DST: variants seen among roughly 807,000 people sequenced by gnomAD.
DST encodes the protein dystonin.
DST carries 253 observed loss-of-function variants against 875.2 expected under a neutral mutation model. That is an observed-to-expected ratio of 0.29 (90% confidence interval 0.26 to 0.32). The LOEUF is 0.32. Ranked by LOEUF, DST falls within the 10% of genes least tolerant of loss-of-function variation. The pLI, the probability that DST is intolerant of heterozygous loss-of-function variation, is 1.00. For synonymous variants in DST, 3,124 were observed against 3,197.1 expected, an observed-to-expected ratio of 0.98 and a Z score of 0.77; for missense variants, 8,287 against 9,111.6, an observed-to-expected ratio of 0.91 and a Z score of 3.68.
chr6:56,617,211 C>T lies in DST; in HGVS notation c.4930-2727G>A, dbSNP rs141877181. On this transcript the variant is annotated intron_variant, in intron 36 of 103. Coordinates refer to ENST00000680361, the MANE Select transcript of DST (RefSeq NM_001374736.1). Reference sequence around the variant, plus strand: ...TGCCTAAGCCCTTGGAATTTAAATTCATCATCCCTGACTGAACATGCATGA... The same window carrying T: ...TGCCTAAGCCCTTGGAATTTAAATTTATCATCCCTGACTGAACATGCATGA... The T allele has an allele frequency of 2.5e-6, 4 of 1,597,586 alleles. No individual in the cohort carries two copies. The highest frequency in any genetic ancestry group is 3.4e-6 in the Non-Finnish European group (4 of 1,171,308).
chr6:56,897,060 T>A (rs560125896), intron 3 of DST, among the ~76,000 whole-genome samples: 34 of 152,302 alleles, frequency 2.2e-4, no homozygotes, highest in African/African-American at 7.2e-4. Flanking sequence ...CTAGAAGGGT[T>A]TTTCCAATGT....
At position 56,553,558 on chromosome 6, in the gene DST, T is replaced by C. The variant is rs2097353062; in HGVS notation, c.15234A>G (p.Glu5078=). The C allele has an allele frequency of 6.2e-7, 1 of 1,613,864 alleles. No homozygotes were observed. The part of the protein sequence containing the change: ...DFQAWLDTKK[E]EQNKSHPISA... Reference sequence around the variant, plus strand: ...ATATTGGATGAGATTTGTTTTGCTCTTCTTTCTTTGTATCCAGCCAAGCCT... The same window carrying C: ...ATATTGGATGAGATTTGTTTTGCTCCTCTTTCTTTGTATCCAGCCAAGCCT... Residue 5078 remains glutamate, a synonymous_variant, in exon 61 of 104, where the codon GAA becomes GAG. Coordinates refer to ENST00000680361, the MANE Select transcript of DST (RefSeq NM_001374736.1).
intron 39 of DST, among the ~76,000 whole-genome samples, 160 bp downstream of exon 39, chr6:56,610,267 A>T (rs1011257559): frequency 6.6e-6 from 1 of 152,208 alleles, no homozygotes; most frequent in Non-Finnish European, 1.5e-5. Flanking sequence ...TGCATTTAAT[A>T]AACAACACTG....
intron 9 of DST, among the ~76,000 whole-genome samples, chr6:56,685,329 T>C (rs914322097): frequency 7.2e-5 from 11 of 152,164 alleles, no homozygotes; most frequent in African/African-American, 2.4e-4. Context: ...TTCATGTCCA[T>C]TGCCTGCTTT....
rs752217706 is a variant in DST at position 56,954,425 on chromosome 6, C to T, written c.163G>A (p.Gly55Ser). The change falls in exon 1 of 104, where the codon GGT (glycine) becomes AGT (serine). Residue 55 changes from glycine to serine, a missense_variant. Around this residue, in one of 10 missense-constraint regions of DST, gnomAD observed 1,160 missense variants for 1,424.3 expected, o/e 0.81. Coordinates refer to ENST00000680361, the MANE Select transcript of DST (RefSeq NM_001374736.1). ...GRHPMKSVFS[G>S]RSRSRDAVLR... ...GTCTTACCTCGGCTTCTTGAACGAC[C>T]CGAGAAGACCGATTTCATCGGATGC... 7 of 1,367,294 alleles carry T rather than the reference C, an allele frequency of 5.1e-6. No individual in the cohort carries two copies. Among genetic ancestry groups the T allele is most frequent in the South Asian group, 1.1e-5 (1 of 87,940 alleles). 84.7% of individuals were successfully genotyped at this position (1,367,294 alleles called of 1,614,324 possible). A position where few individuals can be genotyped will look rare whatever the true frequency, so the allele number is the denominator to read the frequency against.
chr6:56,903,195 G>T (rs551335575), intron 2 of DST, among the ~76,000 whole-genome samples: 2 of 152,268 alleles, frequency 1.3e-5, no homozygotes, highest in East Asian at 3.9e-4. Context: ...TGGTAAGAAT[G>T]TAGATTCTCT....
chr6:56,494,092 G>C lies in DST; in HGVS notation c.20312C>G (p.Ser6771Cys), dbSNP rs2095837279. ...GQQMLARCPK[S>C]AETNIDQDIN... Reference sequence around the variant, plus strand: ...GTCTTGGTCAATATTTGTCTCTGCAGATTTTGGGCATCTTGCAAGCATCTG... The same window carrying C: ...GTCTTGGTCAATATTTGTCTCTGCACATTTTGGGCATCTTGCAAGCATCTG... Residue 6771 changes from serine to cysteine, a missense_variant, in exon 83 of 104, where the codon TCT becomes TGT. Physicochemically the swap from Ser to Cys is moderately radical, Grantham distance 112. Around this residue, in one of 10 missense-constraint regions of DST, gnomAD observed 1,292 missense variants for 1,552.7 expected, o/e 0.83. Coordinates refer to ENST00000680361, the MANE Select transcript of DST (RefSeq NM_001374736.1). The C allele has an allele frequency of 1.2e-6, 2 of 1,611,462 alleles. No individual in the cohort carries two copies. Among genetic ancestry groups the C allele is most frequent in the Non-Finnish European group, 8.5e-7 (1 of 1,178,486 alleles).
intron 59 of DST, 43 bp downstream of exon 59, chr6:56,557,276 C>T (rs774335182): frequency 1.9e-6 from 3 of 1,565,292 alleles, no homozygotes; most frequent in Non-Finnish European, 2.6e-6. Flanking sequence ...CTCAGTAAGT[C>T]AAATTGCTAT....
chr6:56,719,112 G>A (rs1385269836), intron 5 of DST, among the ~76,000 whole-genome samples: 1 of 152,120 alleles, frequency 6.6e-6, no homozygotes, highest in Non-Finnish European at 1.5e-5. Flanking sequence ...AAAAAATGGA[G>A]TGACAGCAGT....
chr6:56,668,593 A>T (rs887347324), intron 10 of DST, among the ~76,000 whole-genome samples: 17 of 151,464 alleles, frequency 1.1e-4, no homozygotes, highest in Non-Finnish European at 1.3e-4. Context: ...AATAAATAAA[A>T]AAAAATTTTA....
In DST at chr6:56,604,769, C is replaced by A. The variant is rs750685821; in HGVS notation, c.9859G>T (p.Asp3287Tyr). ...RKHVEDVGKN[D>Y]FLQSERCANG... ...GCACACCGCTCCGACTGCAGAAAAT[C>A]ATTTTTCCCAACATCTTCTACATGT... is the stretch of plus-strand genomic sequence containing the variant. The change falls in exon 40 of 104, where the codon GAT (aspartate) becomes TAT (tyrosine). Residue 3287 changes from aspartate to tyrosine, a missense_variant. By Grantham distance (160) the Asp-to-Tyr change is radical. Around this residue, in one of 10 missense-constraint regions of DST, gnomAD observed 3,138 missense variants for 3,116.6 expected, o/e 1.01. Transcript: ENST00000680361. 1 of 1,612,810 alleles carries A rather than the reference C, an allele frequency of 6.2e-7. No homozygotes were observed. Among genetic ancestry groups the A allele is most frequent in the Non-Finnish European group, 8.5e-7 (1 of 1,179,196 alleles).
At chr6:56,886,730 C>T (rs1262968255) in intron 3 of DST, among the ~76,000 whole-genome samples, 3 of 143,086 alleles carry the variant, frequency 2.1e-5, no homozygotes, top group Non-Finnish European at 3.0e-5. Flanking sequence ...AGCCGGAGAT[C>T]GTGCCATTGC....
At chr6:56,909,650 G>A (rs1797989625) in intron 2 of DST, among the ~76,000 whole-genome samples, 2 of 152,196 alleles carry the variant, frequency 1.3e-5, no homozygotes, top group African/African-American at 4.8e-5. Flanking sequence ...CCACCTTGAA[G>A]GCTCATTAAA....
In DST at chr6:56,633,023, T is replaced by C. The variant is rs1411804848; in HGVS notation, c.3636A>G (p.Leu1212=). Residue 1212 remains leucine, a synonymous_variant, in exon 28 of 104, where the codon CTA becomes CTG. Coordinates refer to ENST00000680361, the MANE Select transcript of DST (RefSeq NM_001374736.1). ...TTAGAACTTGCTGATGTTCACCAGG[T>C]AGCATTGTCTTTATCTAAAGAAGAC... The part of the protein sequence containing the change: ...ASNVASIKTM[L]PGEHQQVLSN... The C allele has an allele frequency of 6.2e-7, 1 of 1,613,846 alleles. No individual in the cohort carries two copies. Among genetic ancestry groups the C allele is most frequent in the Admixed American group, 1.7e-5 (1 of 60,030 alleles).
At chr6:56,472,017 G>T in intron 94 of DST, 42 bp downstream of exon 94, 1 of 1,603,262 alleles carries the variant, frequency 6.2e-7, no homozygotes, top group Non-Finnish European at 8.5e-7. Flanking sequence ...TGAGGAATGA[G>T]GGCAAATGAC....
At chr6:56,505,304 C>T (rs546942614) in intron 77 of DST, among the ~76,000 whole-genome samples, 9 of 152,026 alleles carry the variant, frequency 5.9e-5, no homozygotes, top group Non-Finnish European at 1.2e-4. Context: ...ACTATACAAG[C>T]CATGGTGGCT....
intron 3 of DST, among the ~76,000 whole-genome samples, chr6:56,882,179 G>A (rs1478577686): frequency 6.6e-6 from 1 of 152,142 alleles, no homozygotes; most frequent in African/African-American, 2.4e-5. Flanking sequence ...TGATGGCCAA[G>A]AAAAATAGGC....
intron 4 of DST, among the ~76,000 whole-genome samples, chr6:56,802,698 A>G (rs959880434): frequency 6.6e-6 from 1 of 152,134 alleles, no homozygotes; most frequent in African/African-American, 2.4e-5. Flanking sequence ...TACACACATT[A>G]CACCCATTGA....
chr6:56,798,922 G>C (rs1335779952), intron 4 of DST, among the ~76,000 whole-genome samples: 1 of 152,208 alleles, frequency 6.6e-6, no homozygotes, highest in Non-Finnish European at 1.5e-5. Flanking sequence ...AGATGTGGTG[G>C]AAATAGCAAG....
Sources: gnomAD v4.1 joint callset for allele counts (sites outside exome capture counted in the v4.1 genomes callset) on GRCh38, gnomAD v4.1.1 for gene constraint, gnomAD v4.1.1 regional missense constraint, MANE v1.5 for transcripts, NCBI Gene and HGNC (gene_info 2026-07-23, HGNC 2026-07-21) for gene names.